The following RHD variants were observed in gnomAD, a reference collection of about 807,000 sequenced individuals.
RHD encodes Rh blood group D antigen, also known as blood group Rh(D) polypeptide.
In RHD, 16 loss-of-function variants were observed where a neutral mutation model predicts 45.5. The observed-to-expected ratio is 0.35, with a 90% CI of 0.24 to 0.53. RHD has a LOEUF of 0.53. Among genes scored for constraint, RHD ranks in the 20% least tolerant of loss-of-function variants. The probability of loss-of-function intolerance (pLI) is 0.92; values close to 1 mark genes in which losing one functional copy is unlikely to be tolerated. For missense variants in RHD, 306 were observed against 532.0 expected, an observed-to-expected ratio of 0.58 and a Z score of 4.18; for synonymous variants, 131 against 217.5, an observed-to-expected ratio of 0.60 and a Z score of 3.50.
Position 25,307,763 on chromosome 1 carries a change from T to A in RHD, c.1073+1034T>A. 2 of 1,305,950 alleles carry A rather than the reference T, an allele frequency of 1.5e-6. 1 individual carries two copies. Among genetic ancestry groups the A allele is most frequent in the Non-Finnish European group, 2.1e-6 (2 of 947,898 alleles). The allele number at this position is 1,305,950 out of a possible 1,614,324, so 80.9% of individuals were successfully genotyped here. A position where few individuals can be genotyped will look rare whatever the true frequency, so the allele number is the denominator to read the frequency against. On this transcript the variant is annotated intron_variant, in intron 7 of 9. Coordinates refer to ENST00000328664, the MANE Select transcript of RHD (RefSeq NM_016124.6). Reference sequence around the variant, plus strand: ...GCTGCGGTTCCTACCGGTTCTTGGATGCCTTCTACAGAGACAACCATAGCC... The same window carrying A: ...GCTGCGGTTCCTACCGGTTCTTGGAAGCCTTCTACAGAGACAACCATAGCC...
At chr1:25,310,700 G>A (rs993194792) in intron 7 of RHD, among the ~76,000 whole-genome samples, 7 of 132,648 alleles carry the variant, frequency 5.3e-5, no homozygotes, top group Admixed American at 1.5e-4. Flanking sequence ...TGCCAGGCAC[G>A]GTGTCTCAGG....
At chr1:25,319,201 G>A (rs1270492028) in intron 8 of RHD, among the ~76,000 whole-genome samples, 1 of 132,662 alleles carries the variant, frequency 7.5e-6, no homozygotes, top group East Asian at 2.0e-4. Context: ...GTACCAGGAG[G>A]TCTTTTCTTA....
Position 25,330,305 on chromosome 1 carries a change from T to C in RHD, c.*1381T>C, listed in dbSNP as rs765378898. 7.5e-5 allele frequency: 10 copies of C among 133,230 alleles called. 4 individuals are homozygous for C. The highest frequency in any genetic ancestry group is 1.8e-4 in the Non-Finnish European group (10 of 56,128). 8.3% of individuals were successfully genotyped at this position (133,230 alleles called of 1,614,324 possible). On this transcript the variant is annotated 3_prime_UTR_variant, in exon 10 of 10. Transcript: ENST00000328664. ...GCTTAAGAAACACATAAACACCATTTAGTCACTGAACATAGCTATATGTAT... is the reference window on the plus strand; with the variant it reads ...GCTTAAGAAACACATAAACACCATTCAGTCACTGAACATAGCTATATGTAT...
chr1:25,316,703 G>C (rs1277860314), intron 7 of RHD, among the ~76,000 whole-genome samples: 2 of 123,634 alleles, frequency 1.6e-5, no homozygotes, highest in Middle Eastern at 8.6e-3. Context: ...CAGCTAGTAA[G>C]TGACAGAGCT....
rs527939969 is a variant in RHD at position 25,275,627 on chromosome 1, A to G, written c.148+2932A>G. 9.0e-4 allele frequency among the ~76,000 whole-genome samples: 120 copies of G among 133,188 alleles called. 15 individuals are homozygous for G. The highest frequency in any genetic ancestry group is 2.8e-3 in the African/African-American group (108 of 39,098). The allele number at this position is 133,188 out of a possible 152,430, so 87.4% of individuals were successfully genotyped here. A position where few individuals can be genotyped will look rare whatever the true frequency, so the allele number is the denominator to read the frequency against. On this transcript the variant is annotated intron_variant, in intron 1 of 9. Transcript: ENST00000328664. ...GTATTACTACATTAATATATTTTGT[A>G]TGTTACAATAAATACATACAAATTA...
rs537076535 is a variant in RHD, at chr1:25,285,570, A to G, written c.335+811A>G. Among the ~76,000 whole-genome samples, 3 of 135,256 alleles carry G rather than the reference A, an allele frequency of 2.2e-5. No individual in the cohort carries two copies. The East Asian group carries it at 5.8e-4, about 26-fold the overall frequency. 88.7% of individuals were successfully genotyped at this position (135,256 alleles called of 152,430 possible). A position where few individuals can be genotyped will look rare whatever the true frequency, so the allele number is the denominator to read the frequency against. The stretch of plus-strand genomic sequence containing the variant: ...TGTGTGAAATGCTAAGAACCATCAC[A>G]ACTAATGTATGGTGCCAGAAGTCAG... On this transcript the variant is annotated intron_variant, in intron 2 of 9. Transcript: ENST00000328664.
chr1:25,276,028 C>T lies in RHD; in HGVS notation c.148+3333C>T, dbSNP rs368859658. Among the ~76,000 whole-genome samples, 17 of 132,136 alleles carry T rather than the reference C, an allele frequency of 1.3e-4. 1 individual carries two copies. The East Asian group carries it at 3.3e-3, about 26-fold the overall frequency. 86.7% of individuals were successfully genotyped at this position (132,136 alleles called of 152,430 possible). A position where few individuals can be genotyped will look rare whatever the true frequency, so the allele number is the denominator to read the frequency against. ...TTAGGTAACTTAATCTGTCAATCCA[C>T]TTAATTGAATTCAGTCCTGGTAAAC... is the stretch of plus-strand genomic sequence containing the variant. On this transcript the variant is annotated intron_variant, in intron 1 of 9. Coordinates refer to ENST00000328664, the MANE Select transcript of RHD (RefSeq NM_016124.6).
intron 1 of RHD, among the ~76,000 whole-genome samples, chr1:25,284,033 C>A (rs1206785737): frequency 7.4e-6 from 1 of 134,964 alleles, no homozygotes. Flanking sequence ...TCGCAGCAGG[C>A]GGCAAAGGGA....
At position 25,329,130 on chromosome 1, in the gene RHD, A is replaced by G. The variant is rs1352276170; in HGVS notation, c.*206A>G. 1.7e-6 allele frequency: 2 copies of G among 1,160,000 alleles called. 1 individual carries two copies. The highest frequency in any genetic ancestry group is 2.5e-6 in the Non-Finnish European group (2 of 803,836). 71.9% of individuals were successfully genotyped at this position (1,160,000 alleles called of 1,614,324 possible). A position where few individuals can be genotyped will look rare whatever the true frequency, so the allele number is the denominator to read the frequency against. ...CATTTATTATGCACTGTAGAATACA[A>G]CAATAAAATACAGCCATGTACCACA... On this transcript the variant is annotated 3_prime_UTR_variant, in exon 10 of 10. Transcript: ENST00000328664.
chr1:25,312,957 T>TAAAAAAAAAA (rs1491188755), intron 7 of RHD, among the ~76,000 whole-genome samples: 6 of 24,426 alleles, frequency 2.5e-4, no homozygotes, highest in Admixed American at 5.3e-4. Flanking sequence ...AAAAAAAAAC[T>TAAAAAAAAAA]TTAGTGCTAT....
chr1:25,310,044 C>T (rs1644059829), intron 7 of RHD, among the ~76,000 whole-genome samples: 1 of 132,450 alleles, frequency 7.6e-6, no homozygotes, highest in Non-Finnish European at 1.8e-5. Flanking sequence ...AAATATCATA[C>T]AAGTACCATT....
chr1:25,297,879 T>G (rs1216110121), intron 3 of RHD, among the ~76,000 whole-genome samples: 1 of 131,164 alleles, frequency 7.6e-6, no homozygotes, highest in Non-Finnish European at 1.8e-5. Flanking sequence ...GGGCAGGAGG[T>G]GCTGCCAGAC....
Position 25,289,487 on chromosome 1 carries a change from A to G in RHD, c.336-1154A>G, listed in dbSNP as rs143849388. On this transcript the variant is annotated intron_variant, in intron 2 of 9. Coordinates refer to ENST00000328664, the MANE Select transcript of RHD (RefSeq NM_016124.6). ...TGGGAGTACAGGCATGAGCCACTGC[A>G]CCCAGCCTTATAGGGTTAAAATTTA... 9.3e-3 allele frequency among the ~76,000 whole-genome samples: 1,235 copies of G among 132,258 alleles called. 112 individuals are homozygous for G. Among genetic ancestry groups the G allele is most frequent in the African/African-American group, 0.026 (1,025 of 38,756 alleles). The allele number at this position is 132,258 out of a possible 152,430, so 86.8% of individuals were successfully genotyped here.
intron 1 of RHD, among the ~76,000 whole-genome samples, chr1:25,284,053 G>C (rs1205415468): frequency 7.4e-6 from 1 of 135,102 alleles, no homozygotes; most frequent in Non-Finnish European, 1.8e-5. Context: ...AGGGAGGTTT[G>C]CTGTGAAGAT....
At chr1:25,285,902 G>A (rs1641945135) in intron 2 of RHD, among the ~76,000 whole-genome samples, 1 of 134,358 alleles carries the variant, frequency 7.4e-6, no homozygotes, top group African/African-American at 2.6e-5. Context: ...CTAAACCTCT[G>A]GGCACTGCTG....
chr1:25,272,802 A>C (rs1411768480), intron 1 of RHD, 107 bp downstream of exon 1: 3 of 1,272,898 alleles, frequency 2.4e-6, no homozygotes, highest in Admixed American at 1.9e-5. Context: ...CAAAATCCCA[A>C]GGAAAAAGAT....
At chr1:25,311,765 T>C (rs1196630618) in intron 7 of RHD, among the ~76,000 whole-genome samples, 1 of 130,904 alleles carries the variant, frequency 7.6e-6, no homozygotes, top group African/African-American at 2.7e-5. Context: ...CCATCCCAGC[T>C]GTGGTTCAGG....
At position 25,278,426 on chromosome 1, in the gene RHD, C is replaced by T. The variant is rs185459546; in HGVS notation, c.148+5731C>T. ...AAACTTAGTGGCTTAAAATAGTAAC[C>T]TTTTAATTTACTCATGATCATGATT... On this transcript the variant is annotated intron_variant, in intron 1 of 9. Transcript: ENST00000328664. 2.3e-5 allele frequency among the ~76,000 whole-genome samples: 3 copies of T among 131,286 alleles called. No homozygotes were observed. The East Asian group carries it at 5.9e-4, about 26-fold the overall frequency. 86.1% of individuals were successfully genotyped at this position (131,286 alleles called of 152,430 possible). A position where few individuals can be genotyped will look rare whatever the true frequency, so the allele number is the denominator to read the frequency against.
Position 25,307,738 on chromosome 1 carries a change from G to C in RHD, c.1073+1009G>C, listed in dbSNP as rs769600983. On this transcript the variant is annotated intron_variant, in intron 7 of 9. Transcript: ENST00000328664. ...CGTGTCTCAGAGAAATCATGGAGGCGCTGCGGTTCCTACCGGTTCTTGGAT... is the reference window on the plus strand; with the variant it reads ...CGTGTCTCAGAGAAATCATGGAGGCCCTGCGGTTCCTACCGGTTCTTGGAT... The C allele has an allele frequency of 2.0e-5, 26 of 1,307,442 alleles. 5 individuals carry two copies. In the South Asian group the frequency reaches 3.2e-4, roughly 16 times the overall value. 81.0% of individuals were successfully genotyped at this position (1,307,442 alleles called of 1,614,324 possible).
Sources: allele counts gnomAD v4.1 joint callset (sites outside exome capture counted in the v4.1 genomes callset), GRCh38; gene constraint gnomAD v4.1.1; transcripts MANE v1.5; gene names NCBI Gene and HGNC (gene_info 2026-07-23, HGNC 2026-07-21).